Variants in ARHGEF9 observed in about 807,000 individuals in gnomAD.
ARHGEF9 encodes Cdc42 guanine nucleotide exchange factor 9.
Under a neutral mutation model 41.3 loss-of-function variants are expected in ARHGEF9, and 2 were observed. That is an observed-to-expected ratio of 0.05 (90% CI 0.02 to 0.15). The LOEUF (loss-of-function observed/expected upper bound fraction) is 0.15, where lower values mean the gene tolerates loss of function less well. Ranked by LOEUF, ARHGEF9 falls within the 10% of genes least tolerant of loss-of-function variation. ARHGEF9 has a pLI of 1.00. For missense variants in ARHGEF9, 225 were observed against 424.7 expected (o/e 0.53, Z 4.13); for synonymous variants, 160 against 154.4 (o/e 1.04, Z -0.27).
chrX:63,695,525 G>C (rs2051680522), intron 4 of ARHGEF9, among the ~76,000 whole-genome samples: 1 of 111,864 alleles, frequency 8.9e-6, no homozygotes, highest in Non-Finnish European at 1.9e-5. Flanking sequence ...GGAACCAGAA[G>C]GTCATACACA....
intron 1 of ARHGEF9, among the ~76,000 whole-genome samples, chrX:63,770,129 G>C (rs2056179394): frequency 8.9e-6 from 1 of 112,275 alleles, no homozygotes; most frequent in African/African-American, 3.2e-5. Context: ...AAAGCCACAG[G>C]GGTGGAGCTG....
chrX:63,665,622 C>T (rs1569451436), intron 7 of ARHGEF9, among the ~76,000 whole-genome samples: 2 of 112,257 alleles, frequency 1.8e-5, no homozygotes, highest in Non-Finnish European at 3.8e-5. Context: ...AGAAGGAGCA[C>T]CCCAGGGTCA....
chrX:63,667,143 G>A (rs1229194013), intron 6 of ARHGEF9, among the ~76,000 whole-genome samples: 1 of 111,975 alleles, frequency 8.9e-6, no homozygotes, highest in Non-Finnish European at 1.9e-5. Context: ...TATTTCCTGA[G>A]CACCTATATG....
At chrX:63,685,389 T>A (rs1556374386) in intron 4 of ARHGEF9, among the ~76,000 whole-genome samples, 1 of 111,780 alleles carries the variant, frequency 8.9e-6, no homozygotes, top group East Asian at 2.8e-4. Flanking sequence ...CCAAAACTGA[T>A]CCACAGATTT....
chrX:63,652,035 T>C (rs1393109400), intron 8 of ARHGEF9, among the ~76,000 whole-genome samples: 1 of 111,722 alleles, frequency 9.0e-6, no homozygotes. Context: ...GCTAGGAGTA[T>C]AGATTCTACA....
intron 9 of ARHGEF9, chrX:63,641,356 G>GAAAA (rs782439203): frequency 2.6e-5 from 2 of 76,677 alleles, no homozygotes. Flanking sequence ...CCATCTCAGG[G>GAAAA]AAAAAAAAAA....
intron 4 of ARHGEF9, among the ~76,000 whole-genome samples, chrX:63,681,242 C>G (rs1439204266): frequency 1.8e-5 from 2 of 111,867 alleles, no homozygotes; most frequent in Admixed American, 1.9e-4. Flanking sequence ...ACTAGGGATT[C>G]TAGTCTCACT....
intron 1 of ARHGEF9, chrX:63,767,081 C>T: frequency 1.0e-6 from 1 of 1,002,313 alleles, no homozygotes; most frequent in Admixed American, 2.2e-5. Context: ...ACTTTAACAA[C>T]CCTAAAGTTT....
intron 6 of ARHGEF9, among the ~76,000 whole-genome samples, chrX:63,673,159 T>C (rs1487137805): frequency 1.8e-5 from 2 of 111,722 alleles, no homozygotes; most frequent in African/African-American, 6.5e-5. Context: ...AGGATGATGC[T>C]TGGTTCCCTT....
In ARHGEF9 at chrX:63,644,623, C is replaced by T. The variant is rs543938560; in HGVS notation, c.1322-575G>A. 3.9e-4 allele frequency among the ~76,000 whole-genome samples: 43 copies of T among 110,189 alleles called. 1 individual carries two copies. The South Asian group carries it at 0.013, about 34-fold the overall frequency. ...CATCTACATATTGACTAGTATAATT[C>T]CCAAACTTCAGGATAAAAAAAAAAT... On this transcript the variant is annotated intron_variant, in intron 8 of 9. Coordinates refer to ENST00000671741, the MANE Select transcript of ARHGEF9 (RefSeq NM_001353921.2).
Position 63,705,357 on chromosome X carries a change from A to ATGTGTGTGTG in ARHGEF9, c.402+891_402+900dup, listed in dbSNP as rs58549005. ...GTCAAGAAGAAAGATATAAGAGAGA[A>ATGTGTGTGTG]TGTGTGTGTGTGTGTGTGTGTGTGT... is the stretch of plus-strand genomic sequence containing the variant. On this transcript the variant is annotated intron_variant, in intron 3 of 9. Transcript: ENST00000671741. 1.5e-4 allele frequency among the ~76,000 whole-genome samples: 12 copies of ATGTGTGTGTG among 82,102 alleles called. No individual in the cohort carries two copies. The East Asian group carries it at 3.4e-3, about 23-fold the overall frequency. 71.3% of individuals were successfully genotyped at this position (82,102 alleles called of 115,157 possible).
chrX:63,748,790 G>C (rs2055431251), intron 1 of ARHGEF9, among the ~76,000 whole-genome samples: 1 of 112,446 alleles, frequency 8.9e-6, no homozygotes, highest in Non-Finnish European at 1.9e-5. Context: ...TGAATGTTCA[G>C]TGAGGGTTGA....
At chrX:63,718,513 C>G in intron 2 of ARHGEF9, among the ~76,000 whole-genome samples, 1 of 110,148 alleles carries the variant, frequency 9.1e-6, no homozygotes, top group Non-Finnish European at 1.9e-5. Context: ...GTTGATTACA[C>G]AGAGAAAAAC....
At chrX:63,766,643 G>A (rs1261967144) in intron 1 of ARHGEF9, among the ~76,000 whole-genome samples, 4 of 111,956 alleles carry the variant, frequency 3.6e-5, no homozygotes, top group Admixed American at 9.5e-5. Flanking sequence ...ATCCTCTCTG[G>A]AATGTACAAT....
chrX:63,675,359 T>C (rs782224451), intron 5 of ARHGEF9, among the ~76,000 whole-genome samples: 1 of 111,461 alleles, frequency 9.0e-6, no homozygotes, highest in Non-Finnish European at 1.9e-5. Flanking sequence ...CTCTGAAATA[T>C]CCTCACGTTT....
chrX:63,754,266 A>C (rs1556444444), intron 1 of ARHGEF9: 2 of 1,193,512 alleles, frequency 1.7e-6, no homozygotes, highest in Non-Finnish European at 2.3e-6. Context: ...TTCTTAAAAG[A>C]CAAGACACGA....
At chrX:63,689,351 A>G (rs1288997438) in intron 4 of ARHGEF9, among the ~76,000 whole-genome samples, 1 of 112,116 alleles carries the variant, frequency 8.9e-6, no homozygotes, top group Non-Finnish European at 1.9e-5. Context: ...GTGGCTACAC[A>G]TATATCATAC....
At chrX:63,651,947 G>A (rs781828262) in intron 8 of ARHGEF9, among the ~76,000 whole-genome samples, 3 of 110,876 alleles carry the variant, frequency 2.7e-5, no homozygotes, top group Admixed American at 9.7e-5. Flanking sequence ...TTTACTAGTT[G>A]AGAAATGGCA....
intron 1 of ARHGEF9, among the ~76,000 whole-genome samples, chrX:63,762,330 A>G (rs2056048562): frequency 8.9e-6 from 1 of 111,975 alleles, no homozygotes; most frequent in South Asian, 3.8e-4. Flanking sequence ...GTAGGTAGCC[A>G]GGATATGGTA....
Sources: gnomAD v4.1 joint callset for allele counts (sites outside exome capture counted in the v4.1 genomes callset) on GRCh38, gnomAD v4.1.1 for gene constraint, MANE v1.5 for transcripts, NCBI Gene and HGNC (gene_info 2026-07-23, HGNC 2026-07-21) for gene names.